Variants in SHPRH observed in about 807,000 individuals in gnomAD.
SHPRH encodes E3 ubiquitin-protein ligase SHPRH.
In SHPRH, 106 loss-of-function variants were observed where a neutral mutation model predicts 202.5. The ratio of observed to expected loss-of-function variants is 0.52; its 90% CI spans 0.45 to 0.62. The LOEUF is 0.62. Among genes scored for constraint, SHPRH ranks in the 20% least tolerant of loss-of-function variants. The pLI is 0.00. For synonymous variants in SHPRH, 729 were observed against 686.0 expected (o/e 1.06, Z -0.98); for missense variants, 1,710 against 2,020.0 (o/e 0.85, Z 2.94).
chr6:145,873,641 T>C (rs1267674592), intron 2 of SHPRH, among the ~76,000 whole-genome samples: 1 of 147,444 alleles, frequency 6.8e-6, no homozygotes, highest in African/African-American at 2.5e-5. Flanking sequence ...CATACTGTAA[T>C]TGCTAAGTGT....
chr6:145,879,487 T>C (rs1466226092), intron 2 of SHPRH, among the ~76,000 whole-genome samples: 2 of 152,204 alleles, frequency 1.3e-5, no homozygotes, highest in Non-Finnish European at 2.9e-5. Context: ...AAAAATTCTT[T>C]CCTTTTCTTA....
At chr6:145,879,458 G>T (rs891544999) in intron 2 of SHPRH, among the ~76,000 whole-genome samples, 3 of 152,086 alleles carry the variant, frequency 2.0e-5, no homozygotes, top group African/African-American at 4.8e-5. Context: ...TTAAACTCTT[G>T]AAGTTTATCT....
At chr6:145,937,041 C>T (rs529829402) in intron 11 of SHPRH, among the ~76,000 whole-genome samples, 64 of 143,296 alleles carry the variant, frequency 4.5e-4, no homozygotes, top group African/African-American at 1.5e-3. Flanking sequence ...TGGAGGGCAA[C>T]GGTGCAATCT....
chr6:145,950,244 T>C lies in SHPRH; in HGVS notation c.982+20A>G, dbSNP rs1787836081. 1 of 1,609,004 alleles carries C rather than the reference T, an allele frequency of 6.2e-7. No homozygotes were observed. The highest frequency in any genetic ancestry group is 1.3e-5 in the African/African-American group (1 of 74,738). ...AATCTCTCTAATCAATTGGACTTTC[T>C]TTAAACATCTTATTCTTACCAGTAG... On this transcript the variant is annotated intron_variant, in intron 4 of 29. Transcript: ENST00000275233.
chr6:145,933,111 G>A lies in SHPRH; in HGVS notation c.3058C>T (p.His1020Tyr). ...KKCGTECEEA[H>Y]RQLVCALNGL... ...TTGAGAGCACAAACTAGCTGTCGAT[G>A]TGCTTCTTCACATTCAGTTCCACAT... is the stretch of plus-strand genomic sequence containing the variant. The change falls in exon 14 of 30, where the codon CAT (histidine) becomes TAT (tyrosine). Residue 1020 changes from histidine (H) to tyrosine (Y), a missense_variant. By Grantham distance (83) the His-to-Tyr change is moderately conservative. Coordinates refer to ENST00000275233, the MANE Select transcript of SHPRH (RefSeq NM_001042683.3). 1 of 1,613,894 alleles carries A rather than the reference G, an allele frequency of 6.2e-7. No individual in the cohort carries two copies. The highest frequency in any genetic ancestry group is 1.7e-5 in the Admixed American group (1 of 60,014).
chr6:145,927,676 G>A (rs1332467495), intron 14 of SHPRH, among the ~76,000 whole-genome samples: 2 of 151,578 alleles, frequency 1.3e-5, no homozygotes, highest in Non-Finnish European at 2.9e-5. Flanking sequence ...TAAACTTAAG[G>A]TAATTATAGA....
At chr6:145,908,259 T>C (rs184139521) in intron 25 of SHPRH, 6 of 152,174 alleles carry the variant, frequency 3.9e-5, no homozygotes, top group African/African-American at 1.2e-4. Flanking sequence ...GAATGATTTA[T>C]ATTCCTTTGG....
downstream of SHPRH, chr6:145,862,671 T>C (rs1323350714): frequency 6.6e-6 from 1 of 152,286 alleles, no homozygotes; most frequent in East Asian, 1.9e-4. Flanking sequence ...ATAGTAGATG[T>C]TGAACAATTT....
intron 18 of SHPRH, 120 bp downstream of exon 18, chr6:145,923,523 G>T: frequency 3.2e-6 from 4 of 1,238,914 alleles, no homozygotes; most frequent in Non-Finnish European, 4.4e-6. Flanking sequence ...GAATGTGTCT[G>T]TATAGGTTTA....
At chr6:145,945,727 A>G in intron 7 of SHPRH, 90 bp from the exon 8 acceptor site, 1 of 1,312,652 alleles carries the variant, frequency 7.6e-7, no homozygotes, top group Non-Finnish European at 1.0e-6. Context: ...ATGAGGACTG[A>G]GTTAAGAAAG....
At chr6:145,934,507 T>TAAAATA (rs1554239366) in intron 13 of SHPRH, among the ~76,000 whole-genome samples, 2 of 150,338 alleles carry the variant, frequency 1.3e-5, no homozygotes, top group East Asian at 3.9e-4. Flanking sequence ...TAAAATAAAA[T>TAAAATA]AAAAAGTAGC....
chr6:145,894,762 T>C (rs1781866033), intron 26 of SHPRH, 123 bp downstream of exon 26: 2 of 726,662 alleles, frequency 2.8e-6, no homozygotes, highest in Non-Finnish European at 4.3e-6. Context: ...AAAATAATTC[T>C]ATCTTATGGA....
At chr6:145,899,318 T>C (rs562189012) in intron 25 of SHPRH, among the ~76,000 whole-genome samples, 12 of 152,098 alleles carry the variant, frequency 7.9e-5, no homozygotes, top group African/African-American at 2.9e-4. Flanking sequence ...GTAATAAAAA[T>C]AGTACGCTAC....
chr6:145,908,759 T>C (rs1783206167), intron 25 of SHPRH: 1 of 152,184 alleles, frequency 6.6e-6, no homozygotes, highest in Non-Finnish European at 1.5e-5. Flanking sequence ...TTTAATTAGA[T>C]TCCCTTTGTC....
chr6:145,873,030 T>C (rs2128692513), intron 2 of SHPRH, among the ~76,000 whole-genome samples: 1 of 152,068 alleles, frequency 6.6e-6, no homozygotes. Flanking sequence ...CTAGGGTGTG[T>C]TGGAGAGTAG....
chr6:145,874,209 A>AAATAATAAT (rs58669613), intron 2 of SHPRH, among the ~76,000 whole-genome samples: 6,230 of 147,866 alleles, frequency 0.042, 180 homozygotes, highest in Admixed American at 0.074. Context: ...AAAAATAATA[A>AAATAATAAT]AATAATAATA....
rs550340112 is a variant in SHPRH at position 145,869,700 on chromosome 6, A to G, written c.222-5209T>C. Among the ~76,000 whole-genome samples the G allele has an allele frequency of 2.3e-3, 346 of 152,198 alleles. 2 individuals carry two copies. Among genetic ancestry groups the G allele is most frequent in the African/African-American group, 8.1e-3 (338 of 41,532 alleles). The stretch of plus-strand genomic sequence containing the variant: ...TTGATCTAGTTGTCCTTTCCTTTAC[A>G]AATACCACACTGTCTTGATTACTAT... On this transcript the variant is annotated intron_variant, in intron 2 of 2. Transcript: ENST00000417762.
Position 145,918,112 on chromosome 6 carries a change from C to G in SHPRH, c.4254+19G>C. 2 of 1,577,122 alleles carry G rather than the reference C, an allele frequency of 1.3e-6. 1 individual carries two copies. The highest frequency in any genetic ancestry group is 2.3e-5 in the South Asian group (2 of 86,214). ...GATAATGCAGCATAGGAAAAAGTAG[C>G]ATGTCTTAGAAACAATACCTTCTCC... is the stretch of plus-strand genomic sequence containing the variant. On this transcript the variant is annotated intron_variant, in intron 23 of 29. Transcript: ENST00000275233.
chr6:145,891,175 A>G (rs545564559), intron 28 of SHPRH, among the ~76,000 whole-genome samples: 154 of 152,220 alleles, frequency 1.0e-3, no homozygotes, highest in Middle Eastern at 6.8e-3. Context: ...CCTGGGCCCA[A>G]TGTAATCCCT....
Sources: gnomAD v4.1 joint callset for allele counts (sites outside exome capture counted in the v4.1 genomes callset) on GRCh38, gnomAD v4.1.1 for gene constraint, MANE v1.5 for transcripts, NCBI Gene and HGNC (gene_info 2026-07-23, HGNC 2026-07-21) for gene names.